LAMA2: variants seen among roughly 807,000 people sequenced by gnomAD.
LAMA2 encodes laminin subunit alpha-2.
A neutral mutation model predicts 364.8 loss-of-function variants in LAMA2; 269 were observed. That is an observed-to-expected ratio of 0.74 (90% CI 0.67 to 0.82). LAMA2 has a LOEUF of 0.82. Among genes scored for constraint, LAMA2 ranks in the 40% least tolerant of loss-of-function variants. The probability of loss-of-function intolerance (pLI) is 0.00; values close to 1 mark genes in which losing one functional copy is unlikely to be tolerated. For synonymous variants in LAMA2, 1,379 were observed against 1,370.6 expected (o/e 1.01, Z -0.14); for missense variants, 3,807 against 3,873.2 (o/e 0.98, Z 0.45).
chr6:128,987,163 G>C (rs1412632853), intron 1 of LAMA2, among the ~76,000 whole-genome samples: 1 of 117,674 alleles, frequency 8.5e-6, no homozygotes, highest in East Asian at 3.4e-4. Context: ...TTTTGAGGCA[G>C]AGTCTCTCTC....
At position 129,226,317 on chromosome 6, in the gene LAMA2, G is replaced by A. The variant is rs1456078934; in HGVS notation, c.1783-23795G>A. On this transcript the variant is annotated intron_variant, in intron 12 of 64. Transcript: ENST00000421865. ...TGCCAGTCTGTGTCTTTTAATTAGAGCATTTAGCCCATTTACGTTTAAGGT... is the reference window on the plus strand; with the variant it reads ...TGCCAGTCTGTGTCTTTTAATTAGAACATTTAGCCCATTTACGTTTAAGGT... Among the ~76,000 whole-genome samples the A allele has an allele frequency of 5.9e-5, 9 of 152,162 alleles. No homozygotes were observed. In the South Asian group the frequency reaches 8.3e-4, roughly 14 times the overall value.
chr6:128,887,569 A>G (rs1339734285), intron 1 of LAMA2, among the ~76,000 whole-genome samples: 1 of 152,220 alleles, frequency 6.6e-6, no homozygotes, highest in Non-Finnish European at 1.5e-5. Context: ...AACTGAATCT[A>G]TATCAAGGGA....
intron 1 of LAMA2, among the ~76,000 whole-genome samples, chr6:129,017,714 C>T (rs1785167127): frequency 6.6e-6 from 1 of 152,012 alleles, no homozygotes; most frequent in African/African-American, 2.4e-5. Flanking sequence ...CCAAGAGAGT[C>T]CCTTTAAACA....
At chr6:129,499,142 C>T (rs1026544596) in intron 58 of LAMA2, among the ~76,000 whole-genome samples, 7 of 152,116 alleles carry the variant, frequency 4.6e-5, no homozygotes, top group African/African-American at 1.7e-4. Flanking sequence ...GAAAAACAAG[C>T]GTATCTGTCC....
At chr6:129,441,611 C>T (rs1782118669) in intron 43 of LAMA2, among the ~76,000 whole-genome samples, 2 of 152,036 alleles carry the variant, frequency 1.3e-5, no homozygotes, top group East Asian at 3.9e-4. Flanking sequence ...AATATCATAA[C>T]TTATATTATT....
chr6:129,117,167 G>A (rs1022473036), intron 4 of LAMA2, among the ~76,000 whole-genome samples: 12 of 152,106 alleles, frequency 7.9e-5, no homozygotes, highest in Admixed American at 2.6e-4. Flanking sequence ...CTTTCAAGAC[G>A]AACATTTTAT....
intron 3 of LAMA2, among the ~76,000 whole-genome samples, chr6:129,080,300 G>A (rs752036076): frequency 6.6e-5 from 10 of 152,180 alleles, no homozygotes; most frequent in Non-Finnish European, 1.2e-4. Flanking sequence ...AGCCTGCCGT[G>A]TATACTCCAG....
chr6:129,309,917 T>TTTTTTTTTTTTTTA (rs1307120168), intron 22 of LAMA2, among the ~76,000 whole-genome samples: 2 of 144,592 alleles, frequency 1.4e-5, no homozygotes, highest in East Asian at 2.4e-4. Context: ...TTTTTTTTTT[T>TTTTTTTTTTTTTTA]GAGACGGAGT....
At chr6:129,104,322 G>T (rs956729467) in intron 4 of LAMA2, among the ~76,000 whole-genome samples, 5 of 152,054 alleles carry the variant, frequency 3.3e-5, no homozygotes, top group Non-Finnish European at 7.4e-5. Context: ...AATTTTTAAG[G>T]CCCACCCATG....
chr6:129,031,478 C>A (rs978637430), intron 1 of LAMA2, among the ~76,000 whole-genome samples: 4 of 152,094 alleles, frequency 2.6e-5, no homozygotes, highest in Non-Finnish European at 5.9e-5. Flanking sequence ...CCAACCTAAT[C>A]CCATAGAGAA....
chr6:129,198,986 C>T (rs9492271), intron 12 of LAMA2, among the ~76,000 whole-genome samples: 60,137 of 151,892 alleles, frequency 0.4, 15,199 homozygotes, highest in African/African-American at 0.73. Context: ...AATAGAACAA[C>T]TGGGACGTAC....
At chr6:129,387,121 A>G (rs1240627144) in intron 35 of LAMA2, among the ~76,000 whole-genome samples, 1 of 150,606 alleles carries the variant, frequency 6.6e-6, no homozygotes, top group African/African-American at 2.4e-5. Flanking sequence ...GGTATGTGTT[A>G]TATGTTTTGA....
rs747740826 is a variant in LAMA2 at position 129,066,212 on chromosome 6, AT to A, written c.396+6322del. ...AGGCGCCCGCCACTACGCCCGGCTA[AT>A]TTTTTGTATTTTTAGTAGAGACGGG... On this transcript the variant is annotated intron_variant, in intron 3 of 64. Coordinates refer to ENST00000421865, the MANE Select transcript of LAMA2 (RefSeq NM_000426.4). 8.3e-4 allele frequency among the ~76,000 whole-genome samples: 123 copies of A among 147,840 alleles called. 1 individual carries two copies. The highest frequency in any genetic ancestry group is 1.2e-3 in the Non-Finnish European group (77 of 66,876).
chr6:129,428,834 A>G (rs1018975844), intron 41 of LAMA2, among the ~76,000 whole-genome samples: 2 of 152,176 alleles, frequency 1.3e-5, no homozygotes, highest in African/African-American at 4.8e-5. Context: ...TATGTTAAGA[A>G]TATATCATTA....
rs532450127 is a variant in LAMA2, at chr6:129,203,337, A to G, written c.1782+10484A>G. 2.6e-5 allele frequency among the ~76,000 whole-genome samples: 4 copies of G among 152,358 alleles called. No individual in the cohort carries two copies. In the South Asian group the frequency reaches 6.2e-4, roughly 24 times the overall value. ...TCCAGTGGATTGTTGGTTCTGACAC[A>G]CTAGCCTACGTGCATATGGGGCAAC... On this transcript the variant is annotated intron_variant, in intron 12 of 64. Coordinates refer to ENST00000421865, the MANE Select transcript of LAMA2 (RefSeq NM_000426.4).
chr6:129,068,858 C>A (rs1773111212), intron 3 of LAMA2, among the ~76,000 whole-genome samples: 1 of 151,926 alleles, frequency 6.6e-6, no homozygotes, highest in African/African-American at 2.4e-5. Flanking sequence ...TTTTGCTTGA[C>A]ATTGTATTTT....
At chr6:129,081,662 C>CT (rs1261730773) in intron 3 of LAMA2, among the ~76,000 whole-genome samples, 3 of 152,072 alleles carry the variant, frequency 2.0e-5, no homozygotes, top group Non-Finnish European at 4.4e-5. Flanking sequence ...AGTTTAAGTC[C>CT]TTTTTTCTTC....
At chr6:129,133,463 G>T (rs1184245691) in intron 4 of LAMA2, among the ~76,000 whole-genome samples, 1 of 152,122 alleles carries the variant, frequency 6.6e-6, no homozygotes, top group Non-Finnish European at 1.5e-5. Flanking sequence ...AGAGGGAAAG[G>T]TGGCAAAAGA....
chr6:129,507,691 A>C (rs1192774578), intron 62 of LAMA2, 49 bp downstream of exon 62: 1 of 1,570,484 alleles, frequency 6.4e-7, no homozygotes, highest in Non-Finnish European at 8.8e-7. Context: ...AGATACAAAT[A>C]CTAACTTCTT....
Sources: gnomAD v4.1 joint callset for allele counts (sites outside exome capture counted in the v4.1 genomes callset) on GRCh38, gnomAD v4.1.1 for gene constraint, MANE v1.5 for transcripts, NCBI Gene and HGNC (gene_info 2026-07-23, HGNC 2026-07-21) for gene names.